KSR2: variants seen among roughly 807,000 people sequenced by gnomAD.
The protein encoded by KSR2 is kinase suppressor of ras 2.
A neutral mutation model predicts 107.8 loss-of-function variants in KSR2; 25 were observed. That is an observed-to-expected ratio of 0.23 (90% CI 0.17 to 0.32). The LOEUF is 0.32. Among genes scored for constraint, KSR2 ranks in the 10% least tolerant of loss-of-function variants. The probability of loss-of-function intolerance (pLI) is 1.00; values close to 1 mark genes in which losing one functional copy is unlikely to be tolerated. For missense variants in KSR2, 887 were observed against 1,268.9 expected, an observed-to-expected ratio of 0.70 and a Z score of 4.57; for synonymous variants, 480 against 507.0, an observed-to-expected ratio of 0.95 and a Z score of 0.71.
chr12:117,837,756 C>A (rs771936268), intron 3 of KSR2, among the ~76,000 whole-genome samples: 1 of 152,146 alleles, frequency 6.6e-6, no homozygotes, highest in Non-Finnish European at 1.5e-5. Context: ...GAAACAAAGG[C>A]GCTAAAGAAA....
intron 4 of KSR2, among the ~76,000 whole-genome samples, chr12:117,709,153 A>G (rs1458947177): frequency 6.6e-6 from 1 of 152,116 alleles, no homozygotes; most frequent in African/African-American, 2.4e-5. Context: ...CACAGGTTCC[A>G]AGGGTGCAGA....
At chr12:117,562,275 TG>T (rs1296719637) in intron 7 of KSR2, among the ~76,000 whole-genome samples, 1 of 92,012 alleles carries the variant, frequency 1.1e-5, no homozygotes, top group Non-Finnish European at 2.2e-5. Context: ...GGGGAGGGGG[TG>T]GGGACCCCAA....
At chr12:117,836,720 C>CT (rs1207863911) in intron 3 of KSR2, among the ~76,000 whole-genome samples, 2 of 152,188 alleles carry the variant, frequency 1.3e-5, no homozygotes, top group Non-Finnish European at 1.5e-5. Flanking sequence ...TGGCCCGTGT[C>CT]TTTTTTATCA....
intron 13 of KSR2, among the ~76,000 whole-genome samples, chr12:117,526,468 C>T (rs1875175275): frequency 6.6e-6 from 1 of 152,220 alleles, no homozygotes; most frequent in African/African-American, 2.4e-5. Flanking sequence ...CCTGATGGCA[C>T]ATTCAGGAGA....
intron 10 of KSR2, among the ~76,000 whole-genome samples, chr12:117,538,058 G>A (rs1215747882): frequency 6.6e-6 from 1 of 152,062 alleles, no homozygotes; most frequent in East Asian, 1.9e-4. Context: ...GAAAGCATCG[G>A]GCTCACTTCC....
intron 7 of KSR2, among the ~76,000 whole-genome samples, chr12:117,562,084 T>TA (rs1258580579): frequency 2.0e-5 from 3 of 151,492 alleles, no homozygotes; most frequent in Admixed American, 1.3e-4. Flanking sequence ...AATGATGGGG[T>TA]ATGAGGGAGG....
At chr12:117,624,338 T>C (rs1030200828) in intron 5 of KSR2, among the ~76,000 whole-genome samples, 4 of 152,228 alleles carry the variant, frequency 2.6e-5, no homozygotes, top group African/African-American at 9.6e-5. Flanking sequence ...GGTTTTCTTC[T>C]AGGGTTTTTA....
intron 4 of KSR2, among the ~76,000 whole-genome samples, chr12:117,719,756 A>G (rs1887133515): frequency 1.3e-5 from 2 of 152,256 alleles, no homozygotes; most frequent in Admixed American, 1.3e-4. Flanking sequence ...TAATTGCATA[A>G]TAAATTGTTT....
At chr12:117,627,822 T>C (rs1371379147) in intron 5 of KSR2, among the ~76,000 whole-genome samples, 1 of 152,254 alleles carries the variant, frequency 6.6e-6, no homozygotes, top group Middle Eastern at 3.2e-3. Flanking sequence ...ATTCTCTGCA[T>C]CACTCTCAGG....
intron 1 of KSR2, among the ~76,000 whole-genome samples, chr12:117,935,841 G>C (rs990572458): frequency 1.3e-5 from 2 of 152,240 alleles, no homozygotes; most frequent in Non-Finnish European, 2.9e-5. Flanking sequence ...CTGTTCCTCA[G>C]ACACCTCAGG....
intron 3 of KSR2, among the ~76,000 whole-genome samples, chr12:117,802,830 C>T (rs1252261605): frequency 2.6e-5 from 4 of 152,178 alleles, no homozygotes; most frequent in African/African-American, 9.7e-5. Flanking sequence ...TATTGACTCC[C>T]AGCCCCGGCT....
chr12:117,948,317 C>T (rs1221724545), intron 1 of KSR2, among the ~76,000 whole-genome samples: 1 of 151,528 alleles, frequency 6.6e-6, no homozygotes, highest in African/African-American at 2.4e-5. Context: ...GTGAAACCCC[C>T]TCTCTACTAA....
rs1337671265 is a variant in KSR2, at chr12:117,527,310, CACACACACACACACAG to C, written c.1803-207_1803-192del. 2.2e-5 allele frequency among the ~76,000 whole-genome samples: 3 copies of C among 136,102 alleles called. No homozygotes were observed. In the East Asian group the frequency reaches 6.3e-4, roughly 29 times the overall value. The allele number at this position is 136,102 out of a possible 152,430, so 89.3% of individuals were successfully genotyped here. ...ACACACACACACACACAGACACACA[CACACACACACACACAG>C]ACACACACACACACACACACAGACA... is the stretch of plus-strand genomic sequence containing the variant. On this transcript the variant is annotated intron_variant, in intron 12 of 19. Transcript: ENST00000339824.
intron 14 of KSR2, among the ~76,000 whole-genome samples, chr12:117,491,644 C>T (rs756653547): frequency 4.6e-5 from 7 of 152,164 alleles, no homozygotes; most frequent in African/African-American, 9.7e-5. Context: ...TTGATGGATT[C>T]GAGTTGATTC....
Position 117,899,666 on chromosome 12 carries a change from AC to A in KSR2, c.181-39236del, listed in dbSNP as rs1894625140. ...CTGCCCCTGGTATTGTCCTTGTATG[AC>A]CCCAACTCTTGAGTGTGACAGAACA... On this transcript the variant is annotated intron_variant, in intron 1 of 19. Transcript: ENST00000339824. Among the ~76,000 whole-genome samples, 2 of 152,112 alleles carry A rather than the reference AC, an allele frequency of 1.3e-5. 1 individual carries two copies. Among genetic ancestry groups the A allele is most frequent in the Admixed American group, 1.3e-4 (2 of 15,272 alleles).
At chr12:117,577,302 T>TA (rs1446416945) in intron 7 of KSR2, among the ~76,000 whole-genome samples, 5 of 152,302 alleles carry the variant, frequency 3.3e-5, no homozygotes, top group Admixed American at 6.5e-5. Flanking sequence ...AGTTGACTGT[T>TA]ACTATTTTAT....
At chr12:117,680,566 T>C (rs1885324284) in intron 4 of KSR2, among the ~76,000 whole-genome samples, 1 of 152,192 alleles carries the variant, frequency 6.6e-6, no homozygotes, top group Non-Finnish European at 1.5e-5. Context: ...TCTCCTCCTC[T>C]CCAAGTCTGG....
chr12:117,539,018 G>A (rs530082317), intron 10 of KSR2, among the ~76,000 whole-genome samples: 1 of 152,308 alleles, frequency 6.6e-6, no homozygotes, highest in South Asian at 2.1e-4. Context: ...GACAAAGGAG[G>A]TCAGGAAACC....
intron 1 of KSR2, among the ~76,000 whole-genome samples, chr12:117,924,338 C>A (rs752878629): frequency 6.7e-6 from 1 of 149,512 alleles, no homozygotes; most frequent in Non-Finnish European, 1.5e-5. Flanking sequence ...GAGGCTGAGG[C>A]GGGCGGATCA....
Sources: allele counts gnomAD v4.1 joint callset (sites outside exome capture counted in the v4.1 genomes callset), GRCh38; gene constraint gnomAD v4.1.1; transcripts MANE v1.5; gene names NCBI Gene and HGNC (gene_info 2026-07-23, HGNC 2026-07-21).